The following ARAP2 variants were observed in gnomAD, a reference collection of about 807,000 sequenced individuals.
ARAP2 encodes arf-GAP with Rho-GAP domain, ANK repeat and PH domain-containing protein 2.
In ARAP2, 148 loss-of-function variants were observed where a neutral mutation model predicts 194.5. That is an observed-to-expected ratio of 0.76 (90% CI 0.67 to 0.87). The LOEUF is 0.87. Among genes scored for constraint, ARAP2 ranks in the 40% least tolerant of loss-of-function variants. The probability of loss-of-function intolerance (pLI) is 0.00; values close to 1 mark genes in which losing one functional copy is unlikely to be tolerated. For synonymous variants in ARAP2, 695 were observed against 683.5 expected (o/e 1.02, Z -0.26); for missense variants, 2,128 against 1,989.7 (o/e 1.07, Z -1.32).
At position 36,082,283 on chromosome 4, in the gene ARAP2, C is replaced by A. The variant is rs1464626434; in HGVS notation, c.4512G>T (p.Trp1504Cys). The A allele has an allele frequency of 1.9e-6, 3 of 1,608,836 alleles. No individual in the cohort carries two copies. The highest frequency in any genetic ancestry group is 2.5e-6 in the Non-Finnish European group (3 of 1,177,998). ...GTTTCTCAGAATATGCGGTCAATCC[C>A]CAGCTGCATCACATAGAAAAAAAAA... ...VKKKMKPPTSWGLTAYSEKHH... is the reference protein window; with the variant it reads ...VKKKMKPPTSCGLTAYSEKHH... The change falls in exon 30 of 33, where the codon TGG (tryptophan) becomes TGT (cysteine). Residue 1504 changes from tryptophan to cysteine, a missense_variant. Transcript: ENST00000303965.
chr4:36,221,663 T>C (rs1469018161), intron 2 of ARAP2, among the ~76,000 whole-genome samples: 1 of 152,156 alleles, frequency 6.6e-6, no homozygotes, highest in African/African-American at 2.4e-5. Flanking sequence ...AATATCTACC[T>C]ACAAGGGATT....
chr4:36,054,510 C>T (rs774555303), intron 2 of ARAP2, among the ~76,000 whole-genome samples: 28 of 152,020 alleles, frequency 1.8e-4, no homozygotes, highest in Non-Finnish European at 2.9e-4. Flanking sequence ...AAATTAGTAA[C>T]GATATGCACC....
rs1712659698 is a variant in ARAP2, at chr4:36,088,823, G to T, written c.4425+3058C>A. Among the ~76,000 whole-genome samples, 3 of 152,098 alleles carry T rather than the reference G, an allele frequency of 2.0e-5. 1 individual carries two copies. Among genetic ancestry groups the T allele is most frequent in the South Asian group, 4.1e-4 (2 of 4,828 alleles). On this transcript the variant is annotated intron_variant, in intron 28 of 32. Transcript: ENST00000303965. The stretch of plus-strand genomic sequence containing the variant: ...AAAGCTGCCTAACAATTCTTTCTTT[G>T]TAACATATTAACAGATGTTAAAGTC...
At chr4:36,161,830 C>T (rs1734073190) in intron 11 of ARAP2, among the ~76,000 whole-genome samples, 1 of 147,446 alleles carries the variant, frequency 6.8e-6, no homozygotes, top group Admixed American at 6.8e-5. Flanking sequence ...ACTACACGGC[C>T]TGGCGCGGTG....
intron 11 of ARAP2, among the ~76,000 whole-genome samples, chr4:36,162,604 C>CT (rs3055949): frequency 0.093 from 13,283 of 142,484 alleles, 728 homozygotes; most frequent in Middle Eastern, 0.15. Flanking sequence ...AAGTTCTTGT[C>CT]TTTTTTTTTT....
intron 2 of ARAP2, among the ~76,000 whole-genome samples, chr4:36,224,301 TA>T (rs11391127): frequency 0.019 from 2,793 of 145,896 alleles, 30 homozygotes; most frequent in Non-Finnish European, 0.028. Context: ...AGAGTGAAAT[TA>T]AAAAAAAAAA....
rs765967617 is a variant in ARAP2 at position 36,227,637 on chromosome 4, G to A, written c.905+945C>T. Among the ~76,000 whole-genome samples, 149 of 152,152 alleles carry A rather than the reference G, an allele frequency of 9.8e-4. 1 individual carries two copies. The highest frequency in any genetic ancestry group is 4.6e-4 in the Admixed American group (7 of 15,278). On this transcript the variant is annotated intron_variant, in intron 2 of 32. Coordinates refer to ENST00000303965, the MANE Select transcript of ARAP2 (RefSeq NM_015230.4). ...GTAGCAGGAAAAGCAGGCATGGGGG[G>A]AAAGAGGAATCCTGCTGAAACTCCA...
chr4:36,014,667 A>G (rs914246232), intron 8 of ARAP2, among the ~76,000 whole-genome samples: 18 of 152,216 alleles, frequency 1.2e-4, no homozygotes, highest in African/African-American at 4.3e-4. Flanking sequence ...AAAATACCTA[A>G]TTCTCTATCT....
Position 36,089,950 on chromosome 4 carries a change from G to A in ARAP2, c.4425+1931C>T, listed in dbSNP as rs73806439. Among the ~76,000 whole-genome samples the A allele has an allele frequency of 7.1e-3, 1,077 of 151,980 alleles. 14 individuals carry two copies. The highest frequency in any genetic ancestry group is 0.024 in the African/African-American group (1,009 of 41,498). Reference sequence around the variant, plus strand: ...CATATTCTTAGTGGTATCTTTGGATGAGCATGCTATTATTATTACATTATA... The same window carrying A: ...CATATTCTTAGTGGTATCTTTGGATAAGCATGCTATTATTATTACATTATA... On this transcript the variant is annotated intron_variant, in intron 28 of 32. Transcript: ENST00000303965.
chr4:36,194,074 G>A (rs895983778), intron 6 of ARAP2, among the ~76,000 whole-genome samples: 1 of 152,092 alleles, frequency 6.6e-6, no homozygotes, highest in African/African-American at 2.4e-5. Flanking sequence ...AAAATAACAA[G>A]GCTTTGTCAA....
At chr4:36,037,265 G>T (rs545556576) in intron 5 of ARAP2, among the ~76,000 whole-genome samples, 4 of 152,258 alleles carry the variant, frequency 2.6e-5, no homozygotes, top group Non-Finnish European at 5.9e-5. Context: ...TGCCTGGCAG[G>T]CAGTCAGCAG....
At chr4:36,055,575 T>C (rs1022989305) in intron 2 of ARAP2, among the ~76,000 whole-genome samples, 2 of 152,120 alleles carry the variant, frequency 1.3e-5, no homozygotes, top group African/African-American at 4.8e-5. Context: ...TATTTATTTA[T>C]TTTTTTGAGA....
At chr4:36,008,483 T>G (rs1226195753) in intron 9 of ARAP2, among the ~76,000 whole-genome samples, 1 of 152,040 alleles carries the variant, frequency 6.6e-6, no homozygotes, top group Non-Finnish European at 1.5e-5. Flanking sequence ...ATAGCTAGCA[T>G]GTCTATATGC....
intron 27 of ARAP2, among the ~76,000 whole-genome samples, chr4:36,102,992 T>C (rs2109441142): frequency 6.6e-6 from 1 of 152,012 alleles, no homozygotes; most frequent in Non-Finnish European, 1.5e-5. Context: ...TTGTACATCT[T>C]TGGCTTTAAG....
At chr4:36,132,730 T>C (rs1175775647) in intron 20 of ARAP2, among the ~76,000 whole-genome samples, 2 of 151,756 alleles carry the variant, frequency 1.3e-5, no homozygotes, top group Non-Finnish European at 2.9e-5. Flanking sequence ...TGAGCACAAA[T>C]TGTGAAAATT....
At chr4:36,059,807 G>A (rs901749033) in intron 1 of ARAP2, among the ~76,000 whole-genome samples, 1 of 152,090 alleles carries the variant, frequency 6.6e-6, no homozygotes, top group East Asian at 1.9e-4. Flanking sequence ...TGCTGTAGAT[G>A]GTGATAGGTC....
intron 5 of ARAP2, among the ~76,000 whole-genome samples, chr4:36,033,195 T>C (rs541803636): frequency 3.9e-5 from 6 of 152,344 alleles, no homozygotes; most frequent in Admixed American, 3.9e-4. Context: ...TACCCAGTAA[T>C]GGGATTGCTG....
Position 36,178,048 on chromosome 4 carries a change from G to A in ARAP2, c.1679-43C>T, listed in dbSNP as rs186974433. ...AGAAAATACATAAATCCACATATAA[G>A]TTACATAGACACAGAAACGTCAAGA... On this transcript the variant is annotated intron_variant, in intron 8 of 32. Coordinates refer to ENST00000303965, the MANE Select transcript of ARAP2 (RefSeq NM_015230.4). The A allele has an allele frequency of 1.3e-5, 19 of 1,516,926 alleles. No homozygotes were observed. The East Asian group carries it at 3.9e-4, about 31-fold the overall frequency. 94.0% of individuals were successfully genotyped at this position (1,516,926 alleles called of 1,614,324 possible).
At chr4:36,227,552 T>C (rs1490698144) in intron 2 of ARAP2, among the ~76,000 whole-genome samples, 2 of 152,120 alleles carry the variant, frequency 1.3e-5, no homozygotes, top group Admixed American at 1.3e-4. Context: ...CTATTAGCAC[T>C]GCAATTACCA....
Sources: gnomAD v4.1 joint callset for allele counts (sites outside exome capture counted in the v4.1 genomes callset) on GRCh38, gnomAD v4.1.1 for gene constraint, MANE v1.5 for transcripts, NCBI Gene and HGNC (gene_info 2026-07-23, HGNC 2026-07-21) for gene names.